The following NKAIN2 variants were observed in gnomAD, a reference collection of about 807,000 sequenced individuals.
The protein encoded by NKAIN2 is sodium/potassium transporting ATPase interacting 2, also known as sodium/potassium-transporting ATPase subunit beta-1-interacting protein 2.
A neutral mutation model predicts 32.6 loss-of-function variants in NKAIN2; 14 were observed. That is an observed-to-expected ratio of 0.43 (90% CI 0.28 to 0.67). The LOEUF (loss-of-function observed/expected upper bound fraction) is 0.67, where lower values mean the gene tolerates loss of function less well. Ranked by LOEUF, NKAIN2 falls within the 30% of genes least tolerant of loss-of-function variation. The pLI is 0.17. For missense variants in NKAIN2, 198 were observed against 258.3 expected (o/e 0.77, Z 1.60); for synonymous variants, 80 against 87.2 (o/e 0.92, Z 0.46).
At chr6:123,826,865 T>C (rs1774169020) in intron 1 of NKAIN2, among the ~76,000 whole-genome samples, 1 of 152,156 alleles carries the variant, frequency 6.6e-6, no homozygotes, top group African/African-American at 2.4e-5. Context: ...TATCCAGAAG[T>C]GGAATTGCTA....
rs571242478 is a variant in NKAIN2, at chr6:124,540,344, T to A, written c.274-117842T>A. 8.5e-5 allele frequency among the ~76,000 whole-genome samples: 13 copies of A among 152,364 alleles called. No homozygotes were observed. The South Asian group carries it at 1.2e-3, about 15-fold the overall frequency. ...AGAAATTAAGTCTCATGGGTCTACA[T>A]CAGCTGATTTGTAATTTGCTTTATC... On this transcript the variant is annotated intron_variant, in intron 3 of 6. Coordinates refer to ENST00000368417, the MANE Select transcript of NKAIN2 (RefSeq NM_001040214.3).
At chr6:124,269,407 G>C (rs936768388) in intron 1 of NKAIN2, among the ~76,000 whole-genome samples, 7 of 151,006 alleles carry the variant, frequency 4.6e-5, no homozygotes, top group African/African-American at 1.7e-4. Flanking sequence ...ATATTCTCTT[G>C]TAGTTCTGGT....
chr6:124,706,219 TTA>T (rs984781879), intron 4 of NKAIN2, among the ~76,000 whole-genome samples: 7 of 152,234 alleles, frequency 4.6e-5, no homozygotes, highest in Admixed American at 3.9e-4. Context: ...TCTAAACATC[TTA>T]TGAGTCTTTA....
At chr6:124,680,376 A>ATAAT (rs1426569110) in intron 4 of NKAIN2, among the ~76,000 whole-genome samples, 9 of 152,232 alleles carry the variant, frequency 5.9e-5, no homozygotes, top group Middle Eastern at 3.4e-3. Flanking sequence ...TTAGTGTCAA[A>ATAAT]TAATTAGATA....
intron 3 of NKAIN2, among the ~76,000 whole-genome samples, chr6:124,540,666 A>G (rs1779879890): frequency 6.6e-6 from 1 of 152,254 alleles, no homozygotes; most frequent in African/African-American, 2.4e-5. Context: ...CTGACTTACA[A>G]TGATTTGAAT....
At chr6:124,442,534 C>T (rs773834401) in intron 3 of NKAIN2, among the ~76,000 whole-genome samples, 2 of 152,004 alleles carry the variant, frequency 1.3e-5, no homozygotes, top group East Asian at 1.9e-4. Flanking sequence ...TCTAAGACAC[C>T]GGCTCCTGCA....
intron 2 of NKAIN2, among the ~76,000 whole-genome samples, chr6:124,339,837 G>A (rs1177795385): frequency 1.3e-5 from 2 of 152,108 alleles, no homozygotes; most frequent in African/African-American, 4.8e-5. Context: ...GGTCGGGGGA[G>A]GCCAGGAAGA....
chr6:124,677,960 T>C lies in NKAIN2; in HGVS notation c.474+19574T>C, dbSNP rs72975776. On this transcript the variant is annotated intron_variant, in intron 4 of 6. Transcript: ENST00000368417. ...GGAATGTCTTCTTTTTCCTTCATTT[T>C]TGAATGACAGTTTTGTCAGATTTAG... 6.0e-3 allele frequency among the ~76,000 whole-genome samples: 912 copies of C among 152,266 alleles called. 2 individuals are homozygous for C. Among genetic ancestry groups the C allele is most frequent in the Non-Finnish European group, 8.4e-3 (568 of 67,986 alleles).
At chr6:124,622,409 A>G (rs1464178060) in intron 3 of NKAIN2, among the ~76,000 whole-genome samples, 5 of 152,142 alleles carry the variant, frequency 3.3e-5, no homozygotes, top group Admixed American at 2.0e-4. Context: ...AGACCAGGTC[A>G]AGTGCTTTGG....
intron 2 of NKAIN2, among the ~76,000 whole-genome samples, chr6:124,292,151 T>C (rs935909231): frequency 6.6e-6 from 1 of 152,148 alleles, no homozygotes; most frequent in Non-Finnish European, 1.5e-5. Context: ...TGGCTGATTC[T>C]AAAAGTGGTA....
intron 4 of NKAIN2, among the ~76,000 whole-genome samples, chr6:124,733,310 A>C (rs1051367375): frequency 1.3e-5 from 2 of 151,894 alleles, no homozygotes; most frequent in Non-Finnish European, 2.9e-5. Flanking sequence ...TAATATATGA[A>C]TTTTTTAATA....
chr6:123,990,425 T>C (rs145491821), intron 1 of NKAIN2, among the ~76,000 whole-genome samples: 11 of 152,346 alleles, frequency 7.2e-5, no homozygotes, highest in African/African-American at 2.6e-4. Context: ...AATAAATTGT[T>C]GACCTCAAAA....
intron 1 of NKAIN2, among the ~76,000 whole-genome samples, chr6:123,957,295 T>G (rs1777638587): frequency 6.6e-6 from 1 of 152,212 alleles, no homozygotes; most frequent in Non-Finnish European, 1.5e-5. Context: ...ATCATTATAC[T>G]GAATCACCAC....
At chr6:124,438,835 C>A (rs1355007230) in intron 3 of NKAIN2, among the ~76,000 whole-genome samples, 2 of 152,156 alleles carry the variant, frequency 1.3e-5, no homozygotes, top group Non-Finnish European at 1.5e-5. Flanking sequence ...TTCTGGGACA[C>A]AACAGCCATC....
chr6:124,158,934 G>T (rs916122859), intron 1 of NKAIN2, among the ~76,000 whole-genome samples: 1 of 152,114 alleles, frequency 6.6e-6, no homozygotes, highest in Admixed American at 6.6e-5. Flanking sequence ...GCCGTGCCAC[G>T]TAATGTTAGA....
chr6:124,467,136 G>A (rs2114663292), intron 3 of NKAIN2, among the ~76,000 whole-genome samples: 1 of 152,070 alleles, frequency 6.6e-6, no homozygotes, highest in East Asian at 1.9e-4. Flanking sequence ...TGCTAGGTTT[G>A]GTTATTGAGG....
intron 4 of NKAIN2, among the ~76,000 whole-genome samples, chr6:124,668,596 T>G (rs1166546396): frequency 6.6e-6 from 1 of 152,178 alleles, no homozygotes; most frequent in Non-Finnish European, 1.5e-5. Context: ...CATTCTAATT[T>G]CATGCCATCT....
At chr6:124,166,758 C>G (rs1316266150) in intron 1 of NKAIN2, among the ~76,000 whole-genome samples, 2 of 150,822 alleles carry the variant, frequency 1.3e-5, no homozygotes, top group Non-Finnish European at 3.0e-5. Flanking sequence ...TTCCCAGCAC[C>G]ATTTATTAAA....
chr6:123,924,541 G>C (rs1775918858), intron 1 of NKAIN2, among the ~76,000 whole-genome samples: 1 of 152,062 alleles, frequency 6.6e-6, no homozygotes, highest in South Asian at 2.1e-4. Context: ...TGTGGAATTT[G>C]TATTCTTCTG....
Sources: gnomAD v4.1 joint callset for allele counts (sites outside exome capture counted in the v4.1 genomes callset) on GRCh38, gnomAD v4.1.1 for gene constraint, MANE v1.5 for transcripts, NCBI Gene and HGNC (gene_info 2026-07-23, HGNC 2026-07-21) for gene names.